The following ZNF93 variants were observed in gnomAD, a reference collection of about 807,000 sequenced individuals.
ZNF93 encodes the protein zinc finger protein 93, also known as zinc finger protein 505.
A neutral mutation model predicts 45.0 loss-of-function variants in ZNF93; 29 were observed. The observed-to-expected ratio is 0.64, with a 90% confidence interval of 0.48 to 0.88. The LOEUF is 0.88. Ranked by LOEUF, ZNF93 falls within the 40% of genes least tolerant of loss-of-function variation. The probability of loss-of-function intolerance (pLI) is 0.00; values close to 1 mark genes in which losing one functional copy is unlikely to be tolerated. For missense variants in ZNF93, 578 were observed against 724.0 expected (o/e 0.80, Z 2.31); for synonymous variants, 223 against 244.6 (o/e 0.91, Z 0.82).
chr19:19,929,919 C>T lies in ZNF93; in HGVS notation c.227-3263C>T, dbSNP rs2063367847. Among the ~76,000 whole-genome samples, 5 of 102,934 alleles carry T rather than the reference C, an allele frequency of 4.9e-5. No individual in the cohort carries two copies. The South Asian group carries it at 1.8e-3, about 38-fold the overall frequency. 67.5% of individuals were successfully genotyped at this position (102,934 alleles called of 152,430 possible). The stretch of plus-strand genomic sequence containing the variant: ...CGCCACTGCACTCCAGCCTGGGCAA[C>T]AGAGCGAGACTCCGTCTCAAAAAAA... On this transcript the variant is annotated intron_variant, in intron 3 of 3. Transcript: ENST00000343769.
Position 19,921,991 on chromosome 19 carries a change from G to A in ZNF93, c.226+5336G>A, listed in dbSNP as rs983070277. Among the ~76,000 whole-genome samples the A allele has an allele frequency of 3.3e-5, 5 of 152,274 alleles. No individual in the cohort carries two copies. The East Asian group carries it at 9.7e-4, about 29-fold the overall frequency. ...GTGAGTTTGATCCTGTCATTATGAT[G>A]TTAGCTAGTTATTTTGCTCATTCGT... On this transcript the variant is annotated intron_variant, in intron 3 of 3. Transcript: ENST00000343769.
Position 19,901,000 on chromosome 19 carries a change from GCTCCTACAGGCC to G in ZNF93, c.-87_-76del. ...TCCTCTTCACTACTCTGTGTCCTGT[GCTCCTACAGGCC>G]CAGCCTCTGTGGCCCTGTGACCTGC... On this transcript the variant is annotated 5_prime_UTR_variant, in exon 1 of 4. Coordinates refer to ENST00000343769, the MANE Select transcript of ZNF93 (RefSeq NM_031218.4). 1 of 1,576,608 alleles carries G rather than the reference GCTCCTACAGGCC, an allele frequency of 6.3e-7. No homozygotes were observed. The highest frequency in any genetic ancestry group is 2.2e-5 in the East Asian group (1 of 44,546).
chr19:19,901,341 G>A (rs979714973), intron 1 of ZNF93, among the ~76,000 whole-genome samples: 7 of 152,152 alleles, frequency 4.6e-5, no homozygotes, highest in African/African-American at 1.2e-4. Context: ...GGGCAGCTGC[G>A]CACCCGCAGA....
At chr19:19,903,545 G>T (rs2063283032) in intron 1 of ZNF93, among the ~76,000 whole-genome samples, 1 of 152,092 alleles carries the variant, frequency 6.6e-6, no homozygotes, top group Non-Finnish European at 1.5e-5. Context: ...AGGCGGACAG[G>T]TCACGAGGTC....
intron 3 of ZNF93, among the ~76,000 whole-genome samples, chr19:19,919,561 G>C (rs181334869): frequency 2.0e-5 from 3 of 152,220 alleles, no homozygotes; most frequent in African/African-American, 7.2e-5. Flanking sequence ...CCATTTTCAT[G>C]ATATTGATTC....
chr19:19,933,429 A>C lies in ZNF93; in HGVS notation c.474A>C (p.Ser158=). ...ATGGGAAAGTCTTTCATAAATTTTCAAATTCAAATAGACATAATATAAGAC... is the reference window on the plus strand; with the variant it reads ...ATGGGAAAGTCTTTCATAAATTTTCCAATTCAAATAGACATAATATAAGAC... ...DKYGKVFHKF[S]NSNRHNIRHT... Residue 158 remains serine (S), a synonymous_variant, in exon 4 of 4, where the codon TCA becomes TCC. Transcript: ENST00000343769. 6.3e-7 allele frequency: 1 copy of C among 1,594,670 alleles called. No homozygotes were observed.
intron 3 of ZNF93, among the ~76,000 whole-genome samples, chr19:19,918,419 C>G (rs937323389): frequency 2.6e-4 from 39 of 152,106 alleles, no homozygotes; most frequent in African/African-American, 9.4e-4. Flanking sequence ...CATACGTGTG[C>G]ATGTGTCTTT....
At chr19:19,924,470 A>G (rs962214664) in intron 3 of ZNF93, among the ~76,000 whole-genome samples, 3 of 152,184 alleles carry the variant, frequency 2.0e-5, no homozygotes, top group African/African-American at 7.2e-5. Context: ...GCCAATGGAC[A>G]CAATATAGTT....
At chr19:19,903,367 A>C (rs1479237973) in intron 1 of ZNF93, among the ~76,000 whole-genome samples, 1 of 152,200 alleles carries the variant, frequency 6.6e-6, no homozygotes, top group Non-Finnish European at 1.5e-5. Flanking sequence ...CTGTATGTTG[A>C]CTCAGAGTGA....
chr19:19,921,571 G>A (rs2063342559), intron 3 of ZNF93, among the ~76,000 whole-genome samples: 1 of 152,154 alleles, frequency 6.6e-6, no homozygotes, highest in Admixed American at 6.6e-5. Context: ...TACTGTGTGG[G>A]AGTCTTAAGT....
chr19:19,911,466 T>G (rs978664973), intron 1 of ZNF93, among the ~76,000 whole-genome samples: 1 of 152,214 alleles, frequency 6.6e-6, no homozygotes, highest in Admixed American at 6.5e-5. Flanking sequence ...TCCAGTTTCC[T>G]GGTACTTGGA....
intron 3 of ZNF93, among the ~76,000 whole-genome samples, chr19:19,923,299 G>T (rs1032664860): frequency 1.2e-4 from 18 of 152,286 alleles, no homozygotes; most frequent in African/African-American, 4.3e-4. Context: ...TCCTCTGGAA[G>T]TTTCATCTCA....
In ZNF93 at chr19:19,901,053, C is replaced by T. The variant is rs374848467; in HGVS notation, c.-36C>T. On this transcript the variant is annotated 5_prime_UTR_variant, in exon 1 of 4. Coordinates refer to ENST00000343769, the MANE Select transcript of ZNF93 (RefSeq NM_031218.4). ...TGTGACCTGCAGGTATTGGGAGATC[C>T]ACAGCTAAGACACCAGGACCCCTGG... is the stretch of plus-strand genomic sequence containing the variant. The T allele has an allele frequency of 1.2e-6, 2 of 1,612,882 alleles. No homozygotes were observed. Among genetic ancestry groups the T allele is most frequent in the African/African-American group, 2.7e-5 (2 of 74,868 alleles).
intron 3 of ZNF93, among the ~76,000 whole-genome samples, chr19:19,918,355 T>G (rs1463628592): frequency 4.6e-5 from 7 of 152,196 alleles, no homozygotes; most frequent in Non-Finnish European, 8.8e-5. Context: ...CTATCATTGT[T>G]GTACATTTGG....
chr19:19,904,073 A>G (rs577411801), intron 1 of ZNF93, among the ~76,000 whole-genome samples: 36 of 151,958 alleles, frequency 2.4e-4, no homozygotes, highest in African/African-American at 8.2e-4. Flanking sequence ...AAAAAAAAAA[A>G]AAAGAAATAT....
At chr19:19,930,454 C>G (rs970431443) in intron 3 of ZNF93, among the ~76,000 whole-genome samples, 3 of 152,118 alleles carry the variant, frequency 2.0e-5, no homozygotes, top group Non-Finnish European at 2.9e-5. Flanking sequence ...AGAGTCTTCT[C>G]TAAACTCCCC....
chr19:19,919,874 T>C (rs1194967241), intron 3 of ZNF93, among the ~76,000 whole-genome samples: 1 of 152,234 alleles, frequency 6.6e-6, no homozygotes, highest in East Asian at 1.9e-4. Flanking sequence ...GTTTTCTAGA[T>C]ATACAATCAT....
Position 19,935,267 on chromosome 19 carries a change from C to A in ZNF93, c.*449C>A. On this transcript the variant is annotated 3_prime_UTR_variant, in exon 4 of 4. Coordinates refer to ENST00000343769, the MANE Select transcript of ZNF93 (RefSeq NM_031218.4). ...CTGTCCAAAACTAAAATGAAGATTT[C>A]AACTCCCCAACCCCCTCTAACAAGC... is the stretch of plus-strand genomic sequence containing the variant. 6.1e-6 allele frequency: 1 copy of A among 164,294 alleles called. No homozygotes were observed. Among genetic ancestry groups the A allele is most frequent in the Non-Finnish European group, 1.3e-5 (1 of 75,168 alleles). 10.2% of individuals were successfully genotyped at this position (164,294 alleles called of 1,614,324 possible). A position where few individuals can be genotyped will look rare whatever the true frequency, so the allele number is the denominator to read the frequency against.
Position 19,905,892 on chromosome 19 carries a change from A to G in ZNF93, c.3+4801A>G, listed in dbSNP as rs2063291606. On this transcript the variant is annotated intron_variant, in intron 1 of 3. Coordinates refer to ENST00000343769, the MANE Select transcript of ZNF93 (RefSeq NM_031218.4). ...CAGGCATGAGCCACCGCATCTGACC[A>G]TACTGTATTTTCTTTATTCATTCTA... 2.6e-5 allele frequency among the ~76,000 whole-genome samples: 4 copies of G among 152,118 alleles called. No individual in the cohort carries two copies. The South Asian group carries it at 6.2e-4, about 24-fold the overall frequency.
Sources: gnomAD v4.1 joint callset for allele counts (sites outside exome capture counted in the v4.1 genomes callset) on GRCh38, gnomAD v4.1.1 for gene constraint, MANE v1.5 for transcripts, NCBI Gene and HGNC (gene_info 2026-07-23, HGNC 2026-07-21) for gene names.